Variants in DPM1 observed in about 807,000 individuals in gnomAD.
DPM1 encodes the protein dolichyl-phosphate mannosyltransferase subunit 1, catalytic, also known as dolichol-phosphate mannosyltransferase subunit 1.
A neutral mutation model predicts 39.0 loss-of-function variants in DPM1; 27 were observed. The ratio of observed to expected loss-of-function variants is 0.69; its 90% CI spans 0.51 to 0.95. DPM1 has a LOEUF of 0.95. Among genes scored for constraint, DPM1 ranks in the 40% least tolerant of loss-of-function variants. DPM1 has a pLI of 0.00. For missense variants in DPM1, 307 were observed against 315.6 expected (o/e 0.97, Z 0.21); for synonymous variants, 124 against 109.0 (o/e 1.14, Z -0.86).
intron 7 of DPM1, among the ~76,000 whole-genome samples, chr20:50,938,540 G>A (rs558552434): frequency 6.6e-6 from 1 of 151,102 alleles, no homozygotes; most frequent in Non-Finnish European, 1.5e-5. Context: ...CCGCCACCAC[G>A]CCCGGCTAAT....
intron 6 of DPM1, chr20:50,941,263 T>TATATATATATATAA (rs1491148504): frequency 2.6e-5 from 4 of 156,022 alleles, no homozygotes; most frequent in African/African-American, 9.2e-5. Flanking sequence ...TATATATATA[T>TATATATATATATAA]AAATAAAATA....
At chr20:50,941,132 T>C (rs1294618834) in intron 6 of DPM1, 199 bp from the exon 7 acceptor site, 1 of 621,430 alleles carries the variant, frequency 1.6e-6, no homozygotes, top group Non-Finnish European at 2.8e-6. Context: ...CTCACACCTG[T>C]AATCCCAGGA....
Position 50,935,125 on chromosome 20 carries a change from C to T in DPM1, c.*7G>A. 7 of 1,463,100 alleles carry T rather than the reference C, an allele frequency of 4.8e-6. No individual in the cohort carries two copies. The highest frequency in any genetic ancestry group is 6.7e-6 in the Non-Finnish European group (7 of 1,044,300). 90.6% of individuals were successfully genotyped at this position (1,463,100 alleles called of 1,614,324 possible). A position where few individuals can be genotyped will look rare whatever the true frequency, so the allele number is the denominator to read the frequency against. On this transcript the variant is annotated 3_prime_UTR_variant, in exon 9 of 9. Transcript: ENST00000371588. Reference sequence around the variant, plus strand: ...AATGAACGTAACTATAAATGAGTATCTTTCTTTTATGTAGTAGCAAAAAGA... The same window carrying T: ...AATGAACGTAACTATAAATGAGTATTTTTCTTTTATGTAGTAGCAAAAAGA...
rs1985039363 is a variant in DPM1, at chr20:50,935,180, T to C, written c.735A>G (p.Glu245=). ...VYGESKLGGN[E]IVSFLKGLLT... is the part of the protein sequence containing the mutation. ...ATAATCCTTTCAAGAAAGATACTAT[T>C]TCATTTCCTCCCAACTTGGATTCAC... Residue 245 remains glutamate, a synonymous_variant, in exon 9 of 9, where the codon GAA becomes GAG. Transcript: ENST00000371588. 1.2e-6 allele frequency: 2 copies of C among 1,610,338 alleles called. No individual in the cohort carries two copies. Among genetic ancestry groups the C allele is most frequent in the East Asian group, 4.5e-5 (2 of 44,744 alleles).
rs771807633 is a variant in DPM1 at position 50,942,007 on chromosome 20, A to G, written c.494+24T>C. The G allele has an allele frequency of 2.6e-6, 4 of 1,568,338 alleles. No individual in the cohort carries two copies. In the East Asian group the frequency reaches 9.0e-5, roughly 35 times the overall value. On this transcript the variant is annotated intron_variant, in intron 6 of 8. Transcript: ENST00000371588. ...ACATTTCCAGTAGTTATACTAATAA[A>G]GAAGTTGTAACACATGTACCTACCT...
At chr20:50,952,633 C>T (rs1420202664) in intron 2 of DPM1, among the ~76,000 whole-genome samples, 1 of 152,034 alleles carries the variant, frequency 6.6e-6, no homozygotes, top group African/African-American at 2.4e-5. Context: ...TGTTTACTGG[C>T]CATTTCTAGT....
At chr20:50,935,324 A>C in intron 8 of DPM1, 88 bp from the exon 9 acceptor site, 2 of 825,072 alleles carry the variant, frequency 2.4e-6, no homozygotes, top group Middle Eastern at 2.8e-4. Context: ...CAACAGAAAT[A>C]GGATTAGTCC....
intron 1 of DPM1, 82 bp downstream of exon 1, chr20:50,958,281 G>T: frequency 1.3e-6 from 2 of 1,568,222 alleles, no homozygotes; most frequent in Non-Finnish European, 1.7e-6. Flanking sequence ...GGACAGGGCC[G>T]CTTCGCGCAG....
chr20:50,941,344 T>TATATGTATTC lies in DPM1; in HGVS notation c.495-412_495-411insGAATACATAT, dbSNP rs1555821522. The TATATGTATTC allele has an allele frequency of 2.3e-3, 337 of 144,144 alleles. 3 individuals are homozygous for TATATGTATTC. The highest frequency in any genetic ancestry group is 9.5e-3 in the African/African-American group (312 of 32,752). 8.9% of individuals were successfully genotyped at this position (144,144 alleles called of 1,614,324 possible). ...ATTATATATTCATATATATTCGTAT[T>TATATGTATTC]ATATATATTCATATACATATATATT... On this transcript the variant is annotated intron_variant, in intron 6 of 8. Transcript: ENST00000371588.
chr20:50,949,333 G>A (rs1986461324), intron 2 of DPM1, among the ~76,000 whole-genome samples: 1 of 151,954 alleles, frequency 6.6e-6, no homozygotes, highest in Admixed American at 6.6e-5. Flanking sequence ...GCACCTTCTT[G>A]GGAAATCTGA....
rs58694792 is a variant in DPM1 at position 50,941,227 on chromosome 20, A to AATATATATATATATATATATATATAT, written c.495-320_495-295dup. Reference sequence around the variant, plus strand: ...CTCCATCACTACAAAAAAAAAAGTGAATATATATATATATATATATATATA... The same window carrying AATATATATATATATATATATATATAT: ...CTCCATCACTACAAAAAAAAAAGTGAATATATATATATATATATATATATATATATATATATATATATATATATATA... On this transcript the variant is annotated intron_variant, in intron 6 of 8. Transcript: ENST00000371588. 20 of 61,188 alleles carry AATATATATATATATATATATATATAT rather than the reference A, an allele frequency of 3.3e-4. 1 individual carries two copies. The highest frequency in any genetic ancestry group is 4.1e-4 in the Non-Finnish European group (14 of 34,350). 3.8% of individuals were successfully genotyped at this position (61,188 alleles called of 1,614,324 possible).
intron 7 of DPM1, among the ~76,000 whole-genome samples, chr20:50,937,378 T>C (rs372963845): frequency 2.6e-4 from 40 of 152,246 alleles, no homozygotes; most frequent in African/African-American, 9.1e-4. Flanking sequence ...GGAATAAATA[T>C]GGAGAGAGGA....
chr20:50,950,009 T>C (rs1986495154), intron 2 of DPM1, among the ~76,000 whole-genome samples: 1 of 152,232 alleles, frequency 6.6e-6, no homozygotes, highest in African/African-American at 2.4e-5. Context: ...ATTTTGTTAA[T>C]TGCTTCTAGT....
At chr20:50,944,671 T>C (rs1020328920) in intron 5 of DPM1, 6 of 152,230 alleles carry the variant, frequency 3.9e-5, no homozygotes, top group African/African-American at 1.4e-4. Context: ...GGAGGGACAA[T>C]AATCTGATTC....
intron 5 of DPM1, chr20:50,945,194 TTC>T (rs1395502184): frequency 6.5e-6 from 1 of 154,204 alleles, no homozygotes; most frequent in African/African-American, 2.4e-5. Flanking sequence ...TTCCACCTTT[TTC>T]TGTGGTCTGA....
At chr20:50,938,408 CAG>C (rs1321304857) in intron 7 of DPM1, among the ~76,000 whole-genome samples, 2 of 148,272 alleles carry the variant, frequency 1.3e-5, no homozygotes, top group East Asian at 2.0e-4. Flanking sequence ...TTTTTTGAGA[CAG>C]AGTCTCACTC....
chr20:50,939,462 T>C (rs547056650), intron 7 of DPM1, among the ~76,000 whole-genome samples: 123 of 148,558 alleles, frequency 8.3e-4, no homozygotes, highest in Non-Finnish European at 1.5e-3. Flanking sequence ...ACCTCCCAAG[T>C]AGCTTAGACT....
chr20:50,944,164 G>A (rs779787572), intron 5 of DPM1, among the ~76,000 whole-genome samples: 2 of 152,112 alleles, frequency 1.3e-5, no homozygotes, highest in Non-Finnish European at 2.9e-5. Context: ...CCATCTTATT[G>A]GTACTGGATA....
intron 7 of DPM1, 109 bp from the exon 8 acceptor site, chr20:50,936,371 G>T: frequency 1.4e-6 from 1 of 695,758 alleles, no homozygotes; most frequent in South Asian, 1.7e-5. Flanking sequence ...ACTTTCACTG[G>T]CCATTGGTAA....
Sources: allele counts gnomAD v4.1 joint callset (sites outside exome capture counted in the v4.1 genomes callset), GRCh38; gene constraint gnomAD v4.1.1; transcripts MANE v1.5; gene names NCBI Gene and HGNC (gene_info 2026-07-23, HGNC 2026-07-21).